Variants in NOCT observed in about 807,000 individuals in gnomAD.
NOCT encodes CCR4 carbon catabolite repression 4-like.
Under a neutral mutation model 35.0 loss-of-function variants are expected in NOCT, and 18 were observed. The observed-to-expected ratio is 0.51, with a 90% CI of 0.36 to 0.76. The LOEUF is 0.76. NOCT is among the 30% of genes least tolerant of loss of function. NOCT has a pLI of 0.01. For missense variants in NOCT, 479 were observed against 541.0 expected, an observed-to-expected ratio of 0.89 and a Z score of 1.14; for synonymous variants, 235 against 226.3, an observed-to-expected ratio of 1.04 and a Z score of -0.34.
chr4:139,025,310 C>G (rs752541642), intron 1 of NOCT, among the ~76,000 whole-genome samples: 1 of 152,148 alleles, frequency 6.6e-6, no homozygotes, highest in Non-Finnish European at 1.5e-5. Flanking sequence ...TTCTCCTGCC[C>G]TTTCTATTTC....
intron 1 of NOCT, among the ~76,000 whole-genome samples, chr4:139,038,583 T>C (rs1344923208): frequency 6.6e-6 from 1 of 152,218 alleles, no homozygotes; most frequent in African/African-American, 2.4e-5. Flanking sequence ...TCATCTCATA[T>C]ATACACAGCA....
chr4:139,017,902 T>C (rs1176770637), intron 1 of NOCT, among the ~76,000 whole-genome samples: 1 of 152,146 alleles, frequency 6.6e-6, no homozygotes, highest in Non-Finnish European at 1.5e-5. Flanking sequence ...TTGGCAGATA[T>C]TTAGGTATTT....
rs570831721 is a variant in NOCT at position 139,045,131 on chromosome 4, C to G, written c.953C>G (p.Pro318Arg). The change falls in exon 3 of 3, where the codon CCC becomes CGC. Residue 318 changes from proline (P) to arginine (R), a missense_variant. Around this residue, in one of 2 missense-constraint regions of NOCT, gnomAD observed 214 missense variants for 284.0 expected, o/e 0.75. Coordinates refer to ENST00000280614, the MANE Select transcript of NOCT (RefSeq NM_012118.4). ...LQNITQGAKIPLIVCGDFNAE... is the reference protein window; with the variant it reads ...LQNITQGAKIRLIVCGDFNAE... ...AACATCACCCAAGGAGCCAAGATTC[C>G]CCTTATTGTGTGTGGGGACTTCAAT... 9 of 1,614,176 alleles carry G rather than the reference C, an allele frequency of 5.6e-6. No individual in the cohort carries two copies. Among genetic ancestry groups the G allele is most frequent in the Non-Finnish European group, 7.6e-6 (9 of 1,180,026 alleles).
chr4:139,015,799 G>T lies in NOCT; in HGVS notation c.-183G>T. On this transcript the variant is annotated 5_prime_UTR_variant, in exon 1 of 3. Coordinates refer to ENST00000280614, the MANE Select transcript of NOCT (RefSeq NM_012118.4). The stretch of plus-strand genomic sequence containing the variant: ...TCACAGCAGACGGTGCCGACGCAGC[G>T]GTGTTGCACCTCCCTCTCCGGCTCT... 5.0e-6 allele frequency: 2 copies of T among 398,090 alleles called. No individual in the cohort carries two copies. The highest frequency in any genetic ancestry group is 8.4e-6 in the Non-Finnish European group (2 of 239,224). The allele number at this position is 398,090 out of a possible 1,614,324, so 24.7% of individuals were successfully genotyped here. A position where few individuals can be genotyped will look rare whatever the true frequency, so the allele number is the denominator to read the frequency against.
At chr4:139,025,236 TG>T (rs1456443234) in intron 1 of NOCT, among the ~76,000 whole-genome samples, 1 of 152,176 alleles carries the variant, frequency 6.6e-6, no homozygotes, top group Non-Finnish European at 1.5e-5. Context: ...AGGGGACACA[TG>T]TAACTAGTGC....
intron 1 of NOCT, among the ~76,000 whole-genome samples, chr4:139,042,464 A>G (rs1037200605): frequency 2.0e-5 from 3 of 152,310 alleles, no homozygotes; most frequent in South Asian, 2.1e-4. Context: ...TACAAAGACA[A>G]ATCCTAGGTT....
Position 139,045,104 on chromosome 4 carries a change from AAAACATCACCC to A in NOCT, c.929_939del (p.Asn310ArgfsTer41), listed in dbSNP as rs1726907906. ...GGCTGTGACCTCCTTCAGAACCTGC[AAAACATCACCC>A]AAGGAGCCAAGATTCCCCTTATTGT... is the stretch of plus-strand genomic sequence containing the variant. On this transcript the variant is annotated frameshift_variant, in exon 3 of 3. Coordinates refer to ENST00000280614, the MANE Select transcript of NOCT (RefSeq NM_012118.4). LOFTEE classifies it high-confidence loss of function. 1 of 1,614,060 alleles carries A rather than the reference AAAACATCACCC, an allele frequency of 6.2e-7. No individual in the cohort carries two copies. The highest frequency in any genetic ancestry group is 1.1e-5 in the South Asian group (1 of 91,094).
chr4:139,017,305 G>A (rs1319973549), intron 1 of NOCT, among the ~76,000 whole-genome samples: 4 of 137,868 alleles, frequency 2.9e-5, no homozygotes, highest in African/African-American at 1.1e-4. Flanking sequence ...TCGGCTCACC[G>A]CAACCTCTGC....
At chr4:139,043,365 C>T (rs760210931) in intron 2 of NOCT, 22 bp downstream of exon 2, 4 of 1,606,070 alleles carry the variant, frequency 2.5e-6, no homozygotes, top group South Asian at 1.1e-5. Flanking sequence ...GCTTTTGTGC[C>T]TCTGCAGTCA....
intron 1 of NOCT, among the ~76,000 whole-genome samples, chr4:139,024,580 C>T (rs946798766): frequency 6.6e-6 from 1 of 151,976 alleles, no homozygotes; most frequent in African/African-American, 2.4e-5. Flanking sequence ...GGGAGTTTTG[C>T]ATGTTGTTTT....
Position 139,045,507 on chromosome 4 carries a change from CTAT to C in NOCT, c.*35_*37del, listed in dbSNP as rs1197600187. 2 of 411,804 alleles carry C rather than the reference CTAT, an allele frequency of 4.9e-6. No homozygotes were observed. The highest frequency in any genetic ancestry group is 4.1e-5 in the African/African-American group (1 of 24,686). 25.5% of individuals were successfully genotyped at this position (411,804 alleles called of 1,614,324 possible). ...CTTTTGTCTTTTTAATCACAGGAGT[CTAT>C]TTTTTTTTTTTTTTTTTTTTTTTTG... On this transcript the variant is annotated 3_prime_UTR_variant, in exon 3 of 3. Transcript: ENST00000280614.
chr4:139,035,555 C>T (rs1726715594), intron 1 of NOCT, among the ~76,000 whole-genome samples: 3 of 152,190 alleles, frequency 2.0e-5, no homozygotes, highest in Admixed American at 6.6e-5. Flanking sequence ...CCCAGTTCAC[C>T]CCTGCTGTCT....
In NOCT at chr4:139,015,973, G is replaced by A; in HGVS notation, c.-9G>A. The A allele has an allele frequency of 7.4e-7, 1 of 1,348,454 alleles. No homozygotes were observed. Among genetic ancestry groups the A allele is most frequent in the Non-Finnish European group, 9.5e-7 (1 of 1,054,508 alleles). The allele number at this position is 1,348,454 out of a possible 1,614,324, so 83.5% of individuals were successfully genotyped here. A position where few individuals can be genotyped will look rare whatever the true frequency, so the allele number is the denominator to read the frequency against. ...CGCGCGAGGGGCCGTGGTGGCGGCG[G>A]CGCCCGGCATGTTTCATAGTCCGCG... On this transcript the variant is annotated 5_prime_UTR_variant, in exon 1 of 3. Transcript: ENST00000280614.
chr4:139,044,329 A>G (rs747488157), intron 2 of NOCT, among the ~76,000 whole-genome samples: 7 of 152,206 alleles, frequency 4.6e-5, no homozygotes, highest in Non-Finnish European at 8.8e-5. Context: ...TTAAAAGAAA[A>G]TTGGCATTTA....
intron 1 of NOCT, among the ~76,000 whole-genome samples, chr4:139,018,948 GAC>G (rs1232087859): frequency 3.3e-5 from 5 of 152,346 alleles, no homozygotes; most frequent in South Asian, 2.1e-4. Flanking sequence ...AAAGGCATGA[GAC>G]ACACACAGAT....
intron 1 of NOCT, among the ~76,000 whole-genome samples, chr4:139,026,293 G>C (rs1402460294): frequency 6.6e-6 from 1 of 151,970 alleles, no homozygotes; most frequent in Non-Finnish European, 1.5e-5. Flanking sequence ...TAGAGACGGG[G>C]TTTCACCATG....
intron 1 of NOCT, among the ~76,000 whole-genome samples, chr4:139,041,563 A>T (rs1394743549): frequency 1.3e-5 from 2 of 152,218 alleles, no homozygotes; most frequent in Non-Finnish European, 2.9e-5. Context: ...ACTGCCACAT[A>T]ATGCTAATTA....
intron 1 of NOCT, chr4:139,028,475 C>G (rs1726563141): frequency 6.6e-6 from 1 of 152,376 alleles, no homozygotes; most frequent in African/African-American, 2.4e-5. Context: ...CGTGGCACTG[C>G]TTTGTACACT....
At position 139,018,662 on chromosome 4, in the gene NOCT, G is replaced by A. The variant is rs551516402; in HGVS notation, c.190+2491G>A. On this transcript the variant is annotated intron_variant, in intron 1 of 2. Coordinates refer to ENST00000280614, the MANE Select transcript of NOCT (RefSeq NM_012118.4). ...ACAGAATGTCTCACACAATGTAGGT[G>A]CTTTATTATGGGAGTTAAAAACATG... Among the ~76,000 whole-genome samples, 3 of 152,324 alleles carry A rather than the reference G, an allele frequency of 2.0e-5. No individual in the cohort carries two copies. In the South Asian group the frequency reaches 6.2e-4, roughly 32 times the overall value.
Sources: allele counts gnomAD v4.1 joint callset (sites outside exome capture counted in the v4.1 genomes callset), GRCh38; gene constraint gnomAD v4.1.1; regional missense constraint gnomAD v4.1.1; transcripts MANE v1.5; gene names NCBI Gene and HGNC (gene_info 2026-07-23, HGNC 2026-07-21).